MDM4: variants seen among roughly 807,000 people sequenced by gnomAD.
The protein encoded by MDM4 is protein Mdm4.
Under a neutral mutation model 60.2 loss-of-function variants are expected in MDM4, and 2 were observed. The observed-to-expected ratio is 0.03, with a 90% CI of 0.01 to 0.10. The LOEUF (loss-of-function observed/expected upper bound fraction) is 0.10. Among genes scored for constraint, MDM4 ranks in the 10% least tolerant of loss-of-function variants. The pLI, the probability that MDM4 is intolerant of heterozygous loss-of-function variation, is 1.00. For synonymous variants in MDM4, 202 were observed against 198.1 expected (o/e 1.02, Z -0.17); for missense variants, 447 against 577.5 (o/e 0.77, Z 2.32).
Position 204,550,404 on chromosome 1 carries a change from A to G in MDM4, c.*722A>G, listed in dbSNP as rs946817711. The G allele has an allele frequency of 3.4e-5, 7 of 208,538 alleles. No homozygotes were observed. Among genetic ancestry groups the G allele is most frequent in the Non-Finnish European group, 4.9e-5 (5 of 102,526 alleles). 12.9% of individuals were successfully genotyped at this position (208,538 alleles called of 1,614,324 possible). On this transcript the variant is annotated 3_prime_UTR_variant, in exon 11 of 11. Coordinates refer to ENST00000367182, the MANE Select transcript of MDM4 (RefSeq NM_002393.5). ...GGTCTCGAACTCCTGGGCTCAAACA[A>G]TCCTCCCGCCTCAGCCTTCCAAATT...
intron 1 of MDM4, among the ~76,000 whole-genome samples, chr1:204,518,066 G>A (rs1188773028): frequency 2.0e-5 from 3 of 152,118 alleles, no homozygotes; most frequent in Non-Finnish European, 4.4e-5. Flanking sequence ...TGAGGTGGGA[G>A]GATTGCTTGA....
intron 3 of MDM4, 57 bp from the exon 4 acceptor site, chr1:204,530,627 A>C: frequency 6.3e-7 from 1 of 1,598,144 alleles, no homozygotes; most frequent in Non-Finnish European, 8.6e-7. Context: ...CCTCTAATGA[A>C]TTTGTGTTTT....
At position 204,549,737 on chromosome 1, in the gene MDM4, AAATC is replaced by A; in HGVS notation, c.*60_*63del. 9.5e-7 allele frequency: 1 copy of A among 1,056,610 alleles called. No individual in the cohort carries two copies. The highest frequency in any genetic ancestry group is 2.1e-4 in the Middle Eastern group (1 of 4,662). The allele number at this position is 1,056,610 out of a possible 1,614,324, so 65.5% of individuals were successfully genotyped here. The stretch of plus-strand genomic sequence containing the variant: ...TCCGTTCACTTACCACATTATTTGA[AAATC>A]AATCCTTTATTTAATTTTATTTCCA... On this transcript the variant is annotated 3_prime_UTR_variant, in exon 11 of 11. Coordinates refer to ENST00000367182, the MANE Select transcript of MDM4 (RefSeq NM_002393.5).
intron 7 of MDM4, among the ~76,000 whole-genome samples, chr1:204,538,984 C>G (rs1226786774): frequency 6.6e-6 from 1 of 152,042 alleles, no homozygotes; most frequent in African/African-American, 2.4e-5. Flanking sequence ...ATTCTCCTGC[C>G]TCAGCCTCTG....
intron 1 of MDM4, among the ~76,000 whole-genome samples, chr1:204,522,671 C>T (rs1307850296): frequency 2.0e-5 from 3 of 152,024 alleles, no homozygotes; most frequent in Admixed American, 1.3e-4. Context: ...TCCCAAAGTG[C>T]TGAGATTATA....
At chr1:204,530,923 C>T in intron 4 of MDM4, 106 bp downstream of exon 4, 1 of 1,435,452 alleles carries the variant, frequency 7.0e-7, no homozygotes, top group Admixed American at 1.9e-5. Flanking sequence ...TATGTAAGAG[C>T]CTACATATGT....
intron 10 of MDM4, among the ~76,000 whole-genome samples, chr1:204,548,592 G>A (rs566457317): frequency 6.6e-6 from 1 of 152,338 alleles, no homozygotes; most frequent in African/African-American, 2.4e-5. Flanking sequence ...CAGAGGGCAT[G>A]ATTTAGGCAT....
rs1663650220 is a variant in MDM4, at chr1:204,558,016, CACCACT to C, written c.*8336_*8341del. 7 of 185,952 alleles carry C rather than the reference CACCACT, an allele frequency of 3.8e-5. No homozygotes were observed. The East Asian group carries it at 6.1e-4, about 16-fold the overall frequency. 11.5% of individuals were successfully genotyped at this position (185,952 alleles called of 1,614,324 possible). On this transcript the variant is annotated 3_prime_UTR_variant, in exon 11 of 11. Transcript: ENST00000367182. ...ATTCTTGCCTAGTTTTCCTTATAAG[CACCACT>C]AAGTTAATAGCTCTGTCTTTTTGGT...
chr1:204,521,914 G>A (rs1659606344), intron 1 of MDM4, among the ~76,000 whole-genome samples: 1 of 152,172 alleles, frequency 6.6e-6, no homozygotes, highest in South Asian at 2.1e-4. Context: ...GAAAAATAAA[G>A]CAGGGAAGGA....
rs1663095845 is a variant in MDM4, at chr1:204,550,428, T to C, written c.*746T>C. 5.1e-6 allele frequency: 1 copy of C among 196,878 alleles called. No homozygotes were observed. 12.2% of individuals were successfully genotyped at this position (196,878 alleles called of 1,614,324 possible). A position where few individuals can be genotyped will look rare whatever the true frequency, so the allele number is the denominator to read the frequency against. The stretch of plus-strand genomic sequence containing the variant: ...AATCCTCCCGCCTCAGCCTTCCAAA[T>C]TGCTGGGATTATAGTCATGAGGCAC... On this transcript the variant is annotated 3_prime_UTR_variant, in exon 11 of 11. Transcript: ENST00000367182.
intron 1 of MDM4, among the ~76,000 whole-genome samples, chr1:204,520,740 G>C (rs1659491230): frequency 6.6e-6 from 1 of 152,140 alleles, no homozygotes; most frequent in South Asian, 2.1e-4. Flanking sequence ...GCCAGGAATG[G>C]TGGCGCATGC....
chr1:204,516,724 G>A (rs1441445554), intron 1 of MDM4, among the ~76,000 whole-genome samples: 1 of 152,158 alleles, frequency 6.6e-6, no homozygotes, highest in Non-Finnish European at 1.5e-5. Flanking sequence ...GTGGAGGTGG[G>A]GTGACGTGAA....
chr1:204,540,057 G>A (rs1053134646), intron 7 of MDM4, among the ~76,000 whole-genome samples: 24 of 151,678 alleles, frequency 1.6e-4, no homozygotes, highest in African/African-American at 5.1e-4. Context: ...TGAGGTGGGC[G>A]GATCACGAGG....
At chr1:204,540,425 G>T (rs1661944474) in intron 7 of MDM4, among the ~76,000 whole-genome samples, 2 of 152,082 alleles carry the variant, frequency 1.3e-5, no homozygotes, top group South Asian at 4.1e-4. Flanking sequence ...GATATGTTGT[G>T]GTCAGGCTAA....
intron 7 of MDM4, among the ~76,000 whole-genome samples, 189 bp downstream of exon 7, chr1:204,538,497 G>A (rs549842474): frequency 6.6e-6 from 1 of 152,136 alleles, no homozygotes; most frequent in Non-Finnish European, 1.5e-5. Flanking sequence ...TTAGCAACCC[G>A]TGAGTACTAG....
intron 3 of MDM4, 24 bp from the exon 4 acceptor site, chr1:204,530,660 A>T: frequency 6.2e-7 from 1 of 1,614,074 alleles, no homozygotes; most frequent in African/African-American, 1.3e-5. Context: ...GACAGATCAC[A>T]ACATGGTATT....
At chr1:204,544,785 A>G in intron 9 of MDM4, 101 bp downstream of exon 9, 1 of 1,065,340 alleles carries the variant, frequency 9.4e-7, no homozygotes, top group South Asian at 1.9e-5. Context: ...TGCTCACATA[A>G]TCCCCTTTTT....
intron 7 of MDM4, among the ~76,000 whole-genome samples, chr1:204,541,684 CTT>C (rs1662099911): frequency 6.6e-6 from 1 of 152,086 alleles, no homozygotes; most frequent in African/African-American, 2.4e-5. Context: ...GGAAGAATAA[CTT>C]TAATATGGCA....
intron 1 of MDM4, among the ~76,000 whole-genome samples, chr1:204,517,425 T>C (rs1161973476): frequency 1.3e-5 from 2 of 151,716 alleles, no homozygotes; most frequent in African/African-American, 4.8e-5. Context: ...TTTTTTTGAG[T>C]GGAGTTTCGC....
Sources: gnomAD v4.1 joint callset for allele counts (sites outside exome capture counted in the v4.1 genomes callset) on GRCh38, gnomAD v4.1.1 for gene constraint, MANE v1.5 for transcripts, NCBI Gene and HGNC (gene_info 2026-07-23, HGNC 2026-07-21) for gene names.